DNAH11: variants seen among roughly 807,000 people sequenced by gnomAD.
The protein encoded by DNAH11 is axonemal beta dynein heavy chain 11.
Under a neutral mutation model 526.0 loss-of-function variants are expected in DNAH11, and 442 were observed. That is an observed-to-expected ratio of 0.84 (90% CI 0.78 to 0.91). The LOEUF (loss-of-function observed/expected upper bound fraction) is 0.91. DNAH11 is among the 40% of genes least tolerant of loss of function. The probability of loss-of-function intolerance (pLI) is 0.00; values close to 1 mark genes in which losing one functional copy is unlikely to be tolerated. For missense variants in DNAH11, 6,989 were observed against 5,448.7 expected, an observed-to-expected ratio of 1.28 and a Z score of -8.90; for synonymous variants, 2,461 against 1,935.9, an observed-to-expected ratio of 1.27 and a Z score of -7.12.
chr7:21,647,923 A>G (rs185553487), intron 28 of DNAH11, among the ~76,000 whole-genome samples: 45 of 152,326 alleles, frequency 3.0e-4, no homozygotes, highest in Middle Eastern at 6.8e-3. Context: ...TCTTCAAGCA[A>G]AAGGAAGATG....
intron 45 of DNAH11, among the ~76,000 whole-genome samples, chr7:21,726,809 C>T (rs372818236): frequency 1.1e-4 from 10 of 94,078 alleles, no homozygotes; most frequent in African/African-American, 1.7e-4. Context: ...CGCGGTGAGC[C>T]GAGATCGCGC....
intron 50 of DNAH11, 23 bp downstream of exon 50, chr7:21,744,622 T>C: frequency 6.2e-7 from 1 of 1,610,488 alleles, no homozygotes. Context: ...ATGTCAGAGG[T>C]CACTACTTAC....
At chr7:21,818,388 A>C (rs759281179) in intron 65 of DNAH11, 49 bp downstream of exon 65, 2 of 1,573,332 alleles carry the variant, frequency 1.3e-6, no homozygotes, top group Non-Finnish European at 1.7e-6. Context: ...AATGATTTTC[A>C]GCAGCAGCAT....
At chr7:21,698,257 G>A (rs1223147999) in intron 36 of DNAH11, 44 bp downstream of exon 36, 1 of 1,602,926 alleles carries the variant, frequency 6.2e-7, no homozygotes. Flanking sequence ...ACATACCATT[G>A]AAAAAGCTTT....
rs1023542 is a variant in DNAH11 at position 21,705,443 on chromosome 7, A to G, written c.6469-17A>G. On this transcript the variant is annotated splice_polypyrimidine_tract_variant and intron_variant, in intron 38 of 81. Coordinates refer to ENST00000409508, the MANE Select transcript of DNAH11 (RefSeq NM_001277115.2). ...AACTCCTTAAAGGAAACCAGCAACCAGCTGTTTGCTCTGCAGGTTGTCCAG... is the reference window on the plus strand; with the variant it reads ...AACTCCTTAAAGGAAACCAGCAACCGGCTGTTTGCTCTGCAGGTTGTCCAG... 448,193 of 1,612,334 alleles carry G rather than the reference A, an allele frequency of 0.28. 86,466 individuals carry two copies. The highest frequency in any genetic ancestry group is 0.83 in the African/African-American group (61,907 of 74,934).
chr7:21,775,144 C>G (rs1448112457), intron 56 of DNAH11, among the ~76,000 whole-genome samples: 12 of 152,246 alleles, frequency 7.9e-5, no homozygotes, highest in Non-Finnish European at 1.3e-4. Flanking sequence ...CCAAGAATGA[C>G]TCTGTGACAA....
chr7:21,573,531 A>G (rs1783973649), intron 8 of DNAH11, among the ~76,000 whole-genome samples: 2 of 152,194 alleles, frequency 1.3e-5, no homozygotes, highest in Non-Finnish European at 1.5e-5. Flanking sequence ...TGTTTTGCCT[A>G]TCATTATTAC....
In DNAH11 at chr7:21,749,816, A is replaced by C; in HGVS notation, c.8797+15A>C. Reference sequence around the variant, plus strand: ...GCTGGCATCAGGTGATTAAACCAACACATTTCTTGAAAGATCTTCCCCAAT... The same window carrying C: ...GCTGGCATCAGGTGATTAAACCAACCCATTTCTTGAAAGATCTTCCCCAAT... On this transcript the variant is annotated intron_variant, in intron 53 of 81. Coordinates refer to ENST00000409508, the MANE Select transcript of DNAH11 (RefSeq NM_001277115.2). 6.2e-7 allele frequency: 1 copy of C among 1,613,188 alleles called. No individual in the cohort carries two copies. Among genetic ancestry groups the C allele is most frequent in the South Asian group, 1.1e-5 (1 of 90,828 alleles).
At chr7:21,737,161 T>G (rs1034742493) in intron 46 of DNAH11, among the ~76,000 whole-genome samples, 7 of 152,152 alleles carry the variant, frequency 4.6e-5, no homozygotes, top group Non-Finnish European at 1.0e-4. Context: ...CAAAGAAGAT[T>G]AGGATAGAAG....
At chr7:21,736,650 T>A (rs1785624321) in intron 46 of DNAH11, among the ~76,000 whole-genome samples, 1 of 152,206 alleles carries the variant, frequency 6.6e-6, no homozygotes, top group Admixed American at 6.5e-5. Context: ...TCCGTCATCT[T>A]TTTTGTTAAT....
chr7:21,806,940 C>A (rs1422514217), intron 62 of DNAH11, among the ~76,000 whole-genome samples: 1 of 152,128 alleles, frequency 6.6e-6, no homozygotes, highest in Admixed American at 6.5e-5. Flanking sequence ...TTATATAGGT[C>A]ATAGCTTCCT....
At chr7:21,612,115 T>G (rs551781221) in intron 20 of DNAH11, among the ~76,000 whole-genome samples, 1 of 152,212 alleles carries the variant, frequency 6.6e-6, no homozygotes, top group East Asian at 1.9e-4. Context: ...CTTAAAAACT[T>G]AAAATGGATA....
rs534150506 is a variant in DNAH11 at position 21,562,070 on chromosome 7, C to A, written c.982+900C>A. ...TGTAAGATCTGAATTCCTGTCCCAA[C>A]CCTGCTTACTGAGCATTTTAAATTT... On this transcript the variant is annotated intron_variant, in intron 5 of 81. Transcript: ENST00000409508. Among the ~76,000 whole-genome samples, 13 of 152,288 alleles carry A rather than the reference C, an allele frequency of 8.5e-5. 1 individual carries two copies. In the East Asian group the frequency reaches 2.3e-3, roughly 27 times the overall value.
At chr7:21,631,543 C>G (rs1562714773) in intron 25 of DNAH11, among the ~76,000 whole-genome samples, 1 of 152,146 alleles carries the variant, frequency 6.6e-6, no homozygotes. Flanking sequence ...ACAGCCATTC[C>G]AAATGGGAGA....
At chr7:21,617,441 A>G (rs1785829652) in intron 22 of DNAH11, among the ~76,000 whole-genome samples, 178 bp from the exon 23 acceptor site, 1 of 152,212 alleles carries the variant, frequency 6.6e-6, no homozygotes. Flanking sequence ...TGGGCTTGTA[A>G]TGTACAAATG....
At chr7:21,773,551 C>T (rs2127979014) in intron 55 of DNAH11, among the ~76,000 whole-genome samples, 1 of 152,108 alleles carries the variant, frequency 6.6e-6, no homozygotes, top group East Asian at 1.9e-4. Flanking sequence ...ACCCTTTGTC[C>T]TACTTGGCAA....
At chr7:21,784,688 C>G (rs6965795) in intron 58 of DNAH11, 148 bp downstream of exon 58, 1 of 578,038 alleles carries the variant, frequency 1.7e-6, no homozygotes, top group Non-Finnish European at 2.9e-6. Flanking sequence ...AAAGTTGAAA[C>G]AAACCATTGA....
At chr7:21,755,645 G>A (rs10156026) in intron 54 of DNAH11, among the ~76,000 whole-genome samples, 1 of 152,042 alleles carries the variant, frequency 6.6e-6, no homozygotes, top group East Asian at 1.9e-4. Flanking sequence ...ATATTGGTAT[G>A]TTTCCTCTCA....
rs116971495 is a variant in DNAH11, at chr7:21,754,727, C to T, written c.8940+4363C>T. 1.6e-3 allele frequency among the ~76,000 whole-genome samples: 244 copies of T among 152,192 alleles called. 7 individuals are homozygous for T. In the East Asian group the frequency reaches 0.041, roughly 26 times the overall value. The stretch of plus-strand genomic sequence containing the variant: ...TGTCAGAAGGGATCCCACTTCTGAT[C>T]CCCTTTGGCCTTGTCACTCAGTTTG... On this transcript the variant is annotated intron_variant, in intron 54 of 81. Transcript: ENST00000409508.
Sources: gnomAD v4.1 joint callset for allele counts (sites outside exome capture counted in the v4.1 genomes callset) on GRCh38, gnomAD v4.1.1 for gene constraint, MANE v1.5 for transcripts, NCBI Gene and HGNC (gene_info 2026-07-23, HGNC 2026-07-21) for gene names.